The following ABR variants were observed in gnomAD, a reference collection of about 807,000 sequenced individuals.
The protein encoded by ABR is ABR activator of RhoGEF and GTPase.
Under a neutral mutation model 107.2 loss-of-function variants are expected in ABR, and 35 were observed. The observed-to-expected ratio is 0.33, with a 90% CI of 0.25 to 0.43. The LOEUF (loss-of-function observed/expected upper bound fraction) is 0.43. Ranked by LOEUF, ABR falls within the 20% of genes least tolerant of loss-of-function variation. The pLI is 1.00. For missense variants in ABR, 815 were observed against 1,115.2 expected, an observed-to-expected ratio of 0.73 and a Z score of 3.83; for synonymous variants, 498 against 462.0, an observed-to-expected ratio of 1.08 and a Z score of -1.00.
chr17:1,141,161 A>G (rs2040270722), intron 1 of ABR, among the ~76,000 whole-genome samples: 1 of 152,192 alleles, frequency 6.6e-6, no homozygotes, highest in African/African-American at 2.4e-5. Context: ...AGGTGACCCC[A>G]GCTGATCCAG....
chr17:1,116,993 G>A (rs964164621), intron 2 of ABR, among the ~76,000 whole-genome samples: 7 of 152,158 alleles, frequency 4.6e-5, no homozygotes, highest in African/African-American at 1.7e-4. Context: ...GTTCCTGGCT[G>A]CCATGCCGCC....
intron 16 of ABR, among the ~76,000 whole-genome samples, chr17:1,044,378 C>T (rs1395244819): frequency 1.3e-5 from 2 of 152,102 alleles, no homozygotes; most frequent in Non-Finnish European, 2.9e-5. Flanking sequence ...GGCCGGGTGC[C>T]GTGGCTCAGG....
chr17:1,147,459 C>G lies in ABR; in HGVS notation c.62-22092G>C, dbSNP rs1303557409. Among the ~76,000 whole-genome samples the G allele has an allele frequency of 3.3e-5, 5 of 151,832 alleles. 1 individual carries two copies. The East Asian group carries it at 9.7e-4, about 29-fold the overall frequency. ...CACTGCAACCTCTGCCTCCTGAGTTCAAGTGAGTCTCCTGCCTCAGCCTCC... is the reference window on the plus strand; with the variant it reads ...CACTGCAACCTCTGCCTCCTGAGTTGAAGTGAGTCTCCTGCCTCAGCCTCC... On this transcript the variant is annotated intron_variant, in intron 1 of 22. Transcript: ENST00000302538.
At chr17:1,110,087 C>T (rs2038579414) in intron 2 of ABR, among the ~76,000 whole-genome samples, 2 of 151,110 alleles carry the variant, frequency 1.3e-5, no homozygotes, top group African/African-American at 4.9e-5. Flanking sequence ...CGCAGGGAGC[C>T]ATCCTGCAAG....
Position 1,010,694 on chromosome 17 carries a change from G to A in ABR, c.2236+35C>T, listed in dbSNP as rs1178933252. 6.2e-7 allele frequency: 1 copy of A among 1,609,586 alleles called. No individual in the cohort carries two copies. The highest frequency in any genetic ancestry group is 1.1e-5 in the South Asian group (1 of 90,976). On this transcript the variant is annotated intron_variant, in intron 20 of 22. Coordinates refer to ENST00000302538, the MANE Select transcript of ABR (RefSeq NM_021962.5). This position sits in a 1 kb window ranked among gnomAD's most constrained non-coding sequence, Gnocchi z 4.1. Reference sequence around the variant, plus strand: ...GGGCAGGGAGTCCTGGCTCAGTCTGGCCCAGCCCAGTCCTAGGAGCCCTCA... The same window carrying A: ...GGGCAGGGAGTCCTGGCTCAGTCTGACCCAGCCCAGTCCTAGGAGCCCTCA...
chr17:1,012,982 G>A, intron 17 of ABR, 123 bp downstream of exon 17: 2 of 1,251,838 alleles, frequency 1.6e-6, no homozygotes, highest in Non-Finnish European at 2.3e-6. Context: ...AGGGGGCTGG[G>A]CTGCGGGGAG....
intron 1 of ABR, among the ~76,000 whole-genome samples, chr17:1,170,337 A>G (rs1190931527): frequency 6.6e-6 from 1 of 152,198 alleles, no homozygotes; most frequent in Non-Finnish European, 1.5e-5. Context: ...GAAGGGTAAG[A>G]GTGCGGGAGA....
At chr17:1,047,378 G>A (rs892903443) in intron 16 of ABR, among the ~76,000 whole-genome samples, 7 of 152,248 alleles carry the variant, frequency 4.6e-5, no homozygotes, top group African/African-American at 1.2e-4. Context: ...GAACAGCTCC[G>A]TGTGGACTCG....
At chr17:1,014,342 G>A (rs1455623128) in intron 16 of ABR, among the ~76,000 whole-genome samples, 3 of 132,990 alleles carry the variant, frequency 2.3e-5, no homozygotes, top group Non-Finnish European at 3.2e-5. Flanking sequence ...TTGGGAGGCT[G>A]AGGCAGGAGA....
In ABR at chr17:1,072,774, G is replaced by A; in HGVS notation, c.754-20C>T. Reference sequence around the variant, plus strand: ...CAGGTCCTGGGAAGGGTGAGGCGGTGAGTTGAGGGGAGCGGCTCTGGGGCC... The same window carrying A: ...CAGGTCCTGGGAAGGGTGAGGCGGTAAGTTGAGGGGAGCGGCTCTGGGGCC... On this transcript the variant is annotated intron_variant, in intron 7 of 22. Transcript: ENST00000302538. 1 of 1,609,656 alleles carries A rather than the reference G, an allele frequency of 6.2e-7. No individual in the cohort carries two copies. Among genetic ancestry groups the A allele is most frequent in the Non-Finnish European group, 8.5e-7 (1 of 1,178,874 alleles).
chr17:1,199,182 G>C (rs2042626527), intron 1 of ABR, among the ~76,000 whole-genome samples: 2 of 150,972 alleles, frequency 1.3e-5, no homozygotes, highest in Non-Finnish European at 2.9e-5. Flanking sequence ...ACGAATGCCT[G>C]GTTCTGGAAA....
At chr17:1,098,239 A>AT (rs1425756534) in intron 3 of ABR, among the ~76,000 whole-genome samples, 5 of 151,498 alleles carry the variant, frequency 3.3e-5, no homozygotes, top group South Asian at 4.2e-4. Flanking sequence ...CGCCCGGCTA[A>AT]TTTTTTTTGT....
chr17:1,034,222 G>A (rs773137800), intron 16 of ABR, among the ~76,000 whole-genome samples: 5 of 151,942 alleles, frequency 3.3e-5, no homozygotes, highest in Non-Finnish European at 5.9e-5. Context: ...CACAGTGCTG[G>A]GTTTACAGGC....
intron 16 of ABR, among the ~76,000 whole-genome samples, chr17:1,040,593 C>A (rs2030236278): frequency 6.6e-6 from 1 of 152,218 alleles, no homozygotes; most frequent in African/African-American, 2.4e-5. Flanking sequence ...ACCCAGGGGA[C>A]CACTTATAGG....
Position 1,142,942 on chromosome 17 carries a change from CAGCTCACTCCTGGGAGGA to C in ABR, c.62-17593_62-17576del, listed in dbSNP as rs1358781700. Among the ~76,000 whole-genome samples the C allele has an allele frequency of 2.5e-3, 373 of 152,144 alleles. 3 individuals are homozygous for C. The highest frequency in any genetic ancestry group is 0.017 in the Middle Eastern group (5 of 294). Reference sequence around the variant, plus strand: ...TGGAGGCCGGGCAGAGGCTGTGGGGCAGCTCACTCCTGGGAGGAAGCTCACTCCTGGGGGACAGCTCGC... The same window carrying C: ...TGGAGGCCGGGCAGAGGCTGTGGGGCAGCTCACTCCTGGGGGACAGCTCGC... On this transcript the variant is annotated intron_variant, in intron 1 of 22. Coordinates refer to ENST00000302538, the MANE Select transcript of ABR (RefSeq NM_021962.5).
rs12600807 is a variant in ABR at position 1,078,070 on chromosome 17, A to G, written c.700+1260T>C. Reference sequence around the variant, plus strand: ...CCCCCAGCCAGCTGCGGGAGCTGCAAGGAGGATGGTCCGGGTCCCTTCCAC... The same window carrying G: ...CCCCCAGCCAGCTGCGGGAGCTGCAGGGAGGATGGTCCGGGTCCCTTCCAC... On this transcript the variant is annotated intron_variant, in intron 6 of 22. Transcript: ENST00000302538. This position sits in a 1 kb window ranked among gnomAD's most constrained non-coding sequence, Gnocchi z 7.5. 0.019 allele frequency among the ~76,000 whole-genome samples: 2,831 copies of G among 151,922 alleles called. 57 individuals are homozygous for G. Among genetic ancestry groups the G allele is most frequent in the East Asian group, 0.047 (233 of 5,006 alleles).
At chr17:1,176,023 G>A (rs950896201) in intron 1 of ABR, among the ~76,000 whole-genome samples, 4 of 152,112 alleles carry the variant, frequency 2.6e-5, no homozygotes, top group Non-Finnish European at 5.9e-5. Flanking sequence ...CCTGGGAGGT[G>A]GAGCTTGCAG....
chr17:1,167,924 G>A (rs924928257), intron 1 of ABR, among the ~76,000 whole-genome samples: 4 of 152,230 alleles, frequency 2.6e-5, no homozygotes, highest in South Asian at 2.1e-4. Context: ...AGGCCGAGGC[G>A]GACAGATCAC....
chr17:1,034,752 G>A (rs781497253), intron 16 of ABR, among the ~76,000 whole-genome samples: 3 of 152,138 alleles, frequency 2.0e-5, no homozygotes, highest in Non-Finnish European at 4.4e-5. Flanking sequence ...CTGGTGCCGT[G>A]ACTTAACTTC....
Sources: gnomAD v4.1 joint callset for allele counts (sites outside exome capture counted in the v4.1 genomes callset) on GRCh38, gnomAD v4.1.1 for gene constraint, Gnocchi (gnomAD v3.1) non-coding constraint, MANE v1.5 for transcripts, NCBI Gene and HGNC (gene_info 2026-07-23, HGNC 2026-07-21) for gene names.